COL12A1: variants seen among roughly 807,000 people sequenced by gnomAD.
COL12A1 encodes the protein collagen type XII alpha 1 chain.
A neutral mutation model predicts 349.7 loss-of-function variants in COL12A1; 114 were observed. That is an observed-to-expected ratio of 0.33 (90% CI 0.28 to 0.38). COL12A1 has a LOEUF of 0.38. Among genes scored for constraint, COL12A1 ranks in the 10% least tolerant of loss-of-function variants. The pLI, the probability that COL12A1 is intolerant of heterozygous loss-of-function variation, is 1.00. For missense variants in COL12A1, 3,284 were observed against 3,756.9 expected (o/e 0.87, Z 3.29); for synonymous variants, 1,369 against 1,329.0 (o/e 1.03, Z -0.66).
In COL12A1 at chr6:75,095,546, A is replaced by G. The variant is rs1049390142; in HGVS notation, c.8578-367T>C. On this transcript the variant is annotated intron_variant, in intron 59 of 65. Coordinates refer to ENST00000322507, the MANE Select transcript of COL12A1 (RefSeq NM_004370.6). Reference sequence around the variant, plus strand: ...GCAGGAGAATGGCGTGAACCCAGGAAGCGGAGCTTGCAGTGAGCCGAGATT... The same window carrying G: ...GCAGGAGAATGGCGTGAACCCAGGAGGCGGAGCTTGCAGTGAGCCGAGATT... 1.5e-4 allele frequency among the ~76,000 whole-genome samples: 22 copies of G among 147,494 alleles called. No homozygotes were observed. The East Asian group carries it at 2.9e-3, about 19-fold the overall frequency.
intron 27 of COL12A1, 34 bp from the exon 28 acceptor site, chr6:75,138,995 T>C: frequency 1.2e-6 from 2 of 1,609,936 alleles, no homozygotes; most frequent in South Asian, 2.2e-5. Flanking sequence ...ACTAAGTTTT[T>C]GAATGTGAGC....
At chr6:75,191,217 A>G (rs553654070) in intron 5 of COL12A1, among the ~76,000 whole-genome samples, 1 of 152,146 alleles carries the variant, frequency 6.6e-6, no homozygotes, top group South Asian at 2.1e-4. Flanking sequence ...AGGCCATGTA[A>G]ATAACCTAGA....
Position 75,130,873 on chromosome 6 carries a change from T to C in COL12A1, c.6046A>G (p.Ser2016Gly), listed in dbSNP as rs1168435400. Reference sequence around the variant, plus strand: ...TCACGCGTTCGGCCCTGGGCAGGGCTGGGATTTCCCTCTCCATCCGAGTAC... The same window carrying C: ...TCACGCGTTCGGCCCTGGGCAGGGCCGGGATTTCCCTCTCCATCCGAGTAC... ...ALYSDGEGNP[S>G]PAQGRTLPRS... The change falls in exon 36 of 66, where the codon AGC becomes GGC. Residue 2016 changes from serine (S) to glycine (G), a missense_variant. Ser to Gly is a moderately conservative substitution (Grantham distance 56, BLOSUM62 0). Around this residue, in one of 2 missense-constraint regions of COL12A1, gnomAD observed 2,601 missense variants for 2,824.8 expected, o/e 0.92. Transcript: ENST00000322507. The C allele has an allele frequency of 1.2e-6, 2 of 1,614,000 alleles. No homozygotes were observed. The highest frequency in any genetic ancestry group is 1.7e-6 in the Non-Finnish European group (2 of 1,179,984).
At chr6:75,113,353 G>T in intron 50 of COL12A1, 40 bp from the exon 51 acceptor site, 1 of 1,254,300 alleles carries the variant, frequency 8.0e-7, no homozygotes, top group Non-Finnish European at 1.1e-6. Context: ...CATATGCATT[G>T]TATAATTTTT....
intron 52 of COL12A1, among the ~76,000 whole-genome samples, chr6:75,107,769 C>G (rs2149351391): frequency 6.6e-6 from 1 of 152,142 alleles, no homozygotes; most frequent in African/African-American, 2.4e-5. Context: ...AAAAATAAAC[C>G]ACTTTTGATA....
chr6:75,131,367 A>G (rs1021975819), intron 35 of COL12A1, among the ~76,000 whole-genome samples: 15 of 152,234 alleles, frequency 9.9e-5, no homozygotes, highest in African/African-American at 3.6e-4. Context: ...CATACAATAC[A>G]TACAGGTAAA....
intron 60 of COL12A1, among the ~76,000 whole-genome samples, chr6:75,092,237 C>G (rs1195985610): frequency 6.6e-6 from 1 of 151,944 alleles, no homozygotes; most frequent in Non-Finnish European, 1.5e-5. Context: ...GGAAATATAC[C>G]TAATGTAGGT....
rs749798235 is a variant in COL12A1, at chr6:75,156,206, T to C, written c.3250+51A>G. ...ATGAAGTAGACATACCAAAGTCATC[T>C]TTTAAAACATTACCTTCTCTCCCCC... On this transcript the variant is annotated intron_variant, in intron 15 of 65. Coordinates refer to ENST00000322507, the MANE Select transcript of COL12A1 (RefSeq NM_004370.6). 3.8e-6 allele frequency: 6 copies of C among 1,595,558 alleles called. No individual in the cohort carries two copies. The South Asian group carries it at 6.8e-5, about 18-fold the overall frequency.
At chr6:75,105,360 C>G (rs1216205157) in intron 53 of COL12A1, 68 bp from the exon 54 acceptor site, 34 of 1,011,172 alleles carry the variant, frequency 3.4e-5, no homozygotes, top group Non-Finnish European at 4.9e-5. Flanking sequence ...TCCCCACCCC[C>G]ACTTACATGC....
At position 75,108,826 on chromosome 6, in the gene COL12A1, A is replaced by T. The variant is rs115096802; in HGVS notation, c.8100+192T>A. Among the ~76,000 whole-genome samples the T allele has an allele frequency of 3.0e-3, 458 of 152,308 alleles. 2 individuals are homozygous for T. Among genetic ancestry groups the T allele is most frequent in the Middle Eastern group, 0.017 (5 of 294 alleles). The stretch of plus-strand genomic sequence containing the variant: ...TTATTTTGTTTCTAGCAAGTAGTTA[A>T]AGCACATTATTATGTTCTGTGGACA... On this transcript the variant is annotated intron_variant, in intron 52 of 65. Transcript: ENST00000322507.
At chr6:75,162,247 A>G (rs1768061264) in intron 14 of COL12A1, among the ~76,000 whole-genome samples, 1 of 152,196 alleles carries the variant, frequency 6.6e-6, no homozygotes, top group African/African-American at 2.4e-5. Context: ...CTGAATTCAA[A>G]CTATACTAGA....
chr6:75,108,220 C>T (rs1326518927), intron 52 of COL12A1, among the ~76,000 whole-genome samples: 1 of 151,832 alleles, frequency 6.6e-6, no homozygotes, highest in Non-Finnish European at 1.5e-5. Context: ...GCTAGGAATA[C>T]AGGCACATGC....
chr6:75,152,490 G>T lies in COL12A1; in HGVS notation c.3566-8C>A, dbSNP rs201709757. ...TGGTGAGACACTCCATCCCTGACATGGCAATCATGAGACAAGACAGTAAGA... is the reference window on the plus strand; with the variant it reads ...TGGTGAGACACTCCATCCCTGACATTGCAATCATGAGACAAGACAGTAAGA... On this transcript the variant is annotated splice_region_variant and splice_polypyrimidine_tract_variant and intron_variant, in intron 17 of 65. Transcript: ENST00000322507. 3.6e-5 allele frequency: 58 copies of T among 1,612,836 alleles called. No homozygotes were observed. The highest frequency in any genetic ancestry group is 5.9e-6 in the Non-Finnish European group (7 of 1,179,512).
Position 75,090,342 on chromosome 6 carries a change from G to A in COL12A1, c.8753-44C>T, listed in dbSNP as rs963116984. 1 of 1,552,000 alleles carries A rather than the reference G, an allele frequency of 6.4e-7. No individual in the cohort carries two copies. Among genetic ancestry groups the A allele is most frequent in the Non-Finnish European group, 8.8e-7 (1 of 1,139,716 alleles). On this transcript the variant is annotated intron_variant, in intron 62 of 65. Transcript: ENST00000322507. The surrounding 1 kb of genome is among the most constrained non-coding windows in gnomAD (Gnocchi z 4.1). Reference sequence around the variant, plus strand: ...CTTGTTAGTAAGAAACCCAATAAAGGACGGATGAGAGAGTGAAACTGTTTT... The same window carrying A: ...CTTGTTAGTAAGAAACCCAATAAAGAACGGATGAGAGAGTGAAACTGTTTT...
chr6:75,089,713 A>T (rs933312197), intron 63 of COL12A1, among the ~76,000 whole-genome samples: 3 of 152,192 alleles, frequency 2.0e-5, no homozygotes, highest in Non-Finnish European at 4.4e-5. Flanking sequence ...ATACAAGACC[A>T]GTGCCAGACC....
Position 75,181,132 on chromosome 6 carries a change from T to C in COL12A1, c.1971A>G (p.Glu657=). Residue 657 remains glutamate, a synonymous_variant, in exon 11 of 66, where the codon GAA becomes GAG. Transcript: ENST00000322507. ...AGGTGATGTGATATGAAAAAACATT[T>C]TCTCCAGCTGGAGACCAGTTGGTTT... is the stretch of plus-strand genomic sequence containing the variant. ...GFKTNWSPAG[E]NVFSYHITYK... 6.2e-7 allele frequency: 1 copy of C among 1,614,008 alleles called. No homozygotes were observed. The highest frequency in any genetic ancestry group is 2.2e-5 in the East Asian group (1 of 44,884).
At chr6:75,101,893 A>G (rs1768321487) in intron 57 of COL12A1, 106 bp downstream of exon 57, 1 of 1,259,226 alleles carries the variant, frequency 7.9e-7, no homozygotes, top group African/African-American at 1.5e-5. Context: ...GGTGAAACAC[A>G]TATCCAGGCT....
intron 16 of COL12A1, 124 bp downstream of exon 16, chr6:75,155,538 A>T: frequency 1.0e-6 from 1 of 995,034 alleles, no homozygotes; most frequent in African/African-American, 1.7e-5. Context: ...AGCTGATTTT[A>T]AATACTTTGC....
intron 10 of COL12A1, among the ~76,000 whole-genome samples, chr6:75,182,627 G>T (rs1279544057): frequency 6.6e-6 from 1 of 152,150 alleles, no homozygotes; most frequent in African/African-American, 2.4e-5. Context: ...TGCCCAAAAT[G>T]ATTCAGGAAA....
Sources: gnomAD v4.1 joint callset for allele counts (sites outside exome capture counted in the v4.1 genomes callset) on GRCh38, gnomAD v4.1.1 for gene constraint, gnomAD v4.1.1 regional missense constraint, Gnocchi (gnomAD v3.1) non-coding constraint, MANE v1.5 for transcripts, NCBI Gene and HGNC (gene_info 2026-07-23, HGNC 2026-07-21) for gene names.